NR3C2: variants seen among roughly 807,000 people sequenced by gnomAD.
NR3C2 encodes the protein mineralocorticoid receptor.
In NR3C2, 15 loss-of-function variants were observed where a neutral mutation model predicts 86.4. That is an observed-to-expected ratio of 0.17 (90% CI 0.12 to 0.27). NR3C2 has a LOEUF of 0.27. NR3C2 is among the 10% of genes least tolerant of loss of function. The pLI is 1.00. For synonymous variants in NR3C2, 458 were observed against 450.5 expected (o/e 1.02, Z -0.21); for missense variants, 960 against 1,195.6 (o/e 0.80, Z 2.91).
At chr4:148,430,907 C>T (rs72645621) in intron 2 of NR3C2, among the ~76,000 whole-genome samples, 9 of 152,124 alleles carry the variant, frequency 5.9e-5, no homozygotes, top group African/African-American at 1.7e-4. Flanking sequence ...TTCATTCTAT[C>T]GTGAAAAAAA....
At chr4:148,161,866 C>T (rs1226894612) in intron 4 of NR3C2, among the ~76,000 whole-genome samples, 2 of 152,104 alleles carry the variant, frequency 1.3e-5, no homozygotes, top group Admixed American at 6.5e-5. Flanking sequence ...ATAAAGCTGG[C>T]TATGATAAGT....
At chr4:148,174,207 T>C (rs1735264419) in intron 4 of NR3C2, among the ~76,000 whole-genome samples, 1 of 152,138 alleles carries the variant, frequency 6.6e-6, no homozygotes, top group Admixed American at 6.5e-5. Context: ...ATAAAGCAAA[T>C]AAAGTCAACC....
At chr4:148,307,396 A>C (rs1742683200) in intron 2 of NR3C2, among the ~76,000 whole-genome samples, 1 of 152,074 alleles carries the variant, frequency 6.6e-6, no homozygotes, top group Admixed American at 6.5e-5. Context: ...ACAGAATCAT[A>C]AGTTATGTTC....
intron 2 of NR3C2, among the ~76,000 whole-genome samples, chr4:148,300,984 T>G (rs1281612857): frequency 6.6e-6 from 1 of 152,206 alleles, no homozygotes; most frequent in African/African-American, 2.4e-5. Flanking sequence ...GGGAGAGACC[T>G]GTTTTCCTCA....
At chr4:148,428,106 T>A (rs957754828) in intron 2 of NR3C2, among the ~76,000 whole-genome samples, 4 of 152,128 alleles carry the variant, frequency 2.6e-5, no homozygotes, top group Non-Finnish European at 5.9e-5. Context: ...GTGGTCTAAG[T>A]ATAGTAATAA....
upstream of NR3C2, chr4:148,444,870 G>T: frequency 3.0e-6 from 3 of 984,990 alleles, no homozygotes; most frequent in Non-Finnish European, 3.6e-6. Context: ...CGGGAAGTCC[G>T]GCAGGAGGAT....
intron 2 of NR3C2, among the ~76,000 whole-genome samples, chr4:148,429,936 C>T (rs751283413): frequency 2.6e-5 from 4 of 152,058 alleles, no homozygotes; most frequent in African/African-American, 9.7e-5. Flanking sequence ...AAAACTAAAG[C>T]AACAGCTGAA....
At chr4:148,419,347 G>A (rs773190566) in intron 2 of NR3C2, among the ~76,000 whole-genome samples, 5 of 152,176 alleles carry the variant, frequency 3.3e-5, no homozygotes, top group Non-Finnish European at 4.4e-5. Flanking sequence ...GGCGAAGGAA[G>A]GGCCCACGAA....
chr4:148,377,979 A>C (rs1730876898), intron 2 of NR3C2, among the ~76,000 whole-genome samples: 1 of 152,192 alleles, frequency 6.6e-6, no homozygotes, highest in South Asian at 2.1e-4. Context: ...GGTTACCCAG[A>C]CTTAGATAAT....
intron 2 of NR3C2, among the ~76,000 whole-genome samples, chr4:148,354,259 G>A (rs756787232): frequency 4.6e-5 from 7 of 151,794 alleles, no homozygotes; most frequent in African/African-American, 1.2e-4. Flanking sequence ...ATAACATTTC[G>A]TCTTCTCTAG....
chr4:148,080,875 TA>T lies in NR3C2; in HGVS notation c.*468del, dbSNP rs748158642. On this transcript the variant is annotated 3_prime_UTR_variant, in exon 9 of 9. Coordinates refer to ENST00000358102, the MANE Select transcript of NR3C2 (RefSeq NM_000901.5). ...CAGGAATCTGTATATATTTTTTTATTATTTTTTTGTGTTTTTTTAATAACAA... is the reference window on the plus strand; with the variant it reads ...CAGGAATCTGTATATATTTTTTTATTTTTTTTTGTGTTTTTTTAATAACAA... 6.6e-5 allele frequency: 24 copies of T among 365,566 alleles called. No homozygotes were observed. Among genetic ancestry groups the T allele is most frequent in the Middle Eastern group, 4.9e-4 (1 of 2,052 alleles). The allele number at this position is 365,566 out of a possible 1,614,324, so 22.6% of individuals were successfully genotyped here. A position where few individuals can be genotyped will look rare whatever the true frequency, so the allele number is the denominator to read the frequency against.
At chr4:148,427,507 T>C (rs1247500537) in intron 2 of NR3C2, among the ~76,000 whole-genome samples, 1 of 151,382 alleles carries the variant, frequency 6.6e-6, no homozygotes, top group Non-Finnish European at 1.5e-5. Flanking sequence ...ATGTGGAAGG[T>C]CAGAGTCAAG....
rs972018320 is a variant in NR3C2, at chr4:148,114,173, A to G, written c.2730T>C (p.Cys910=). The change falls in exon 8 of 9, where the codon TGT becomes TGC. Residue 910 remains cysteine, a synonymous_variant. Coordinates refer to ENST00000358102, the MANE Select transcript of NR3C2 (RefSeq NM_000901.5). ...GCCAGCTCTGCCCAGAATTGTTGGGACACTTAGTTACCATCTTCCTCAGTT... is the reference window on the plus strand; with the variant it reads ...GCCAGCTCTGCCCAGAATTGTTGGGGCACTTAGTTACCATCTTCCTCAGTT... ...IKELRKMVTK[C]PNNSGQSWQR... The G allele has an allele frequency of 6.2e-7, 1 of 1,613,852 alleles. No individual in the cohort carries two copies. The highest frequency in any genetic ancestry group is 1.7e-5 in the Admixed American group (1 of 59,976).
intron 4 of NR3C2, among the ~76,000 whole-genome samples, chr4:148,180,070 C>T (rs1735572283): frequency 6.6e-6 from 1 of 151,760 alleles, no homozygotes; most frequent in African/African-American, 2.4e-5. Context: ...TACTGCATAT[C>T]CTGCCTTGGG....
At chr4:148,264,502 T>C (rs541233432) in intron 2 of NR3C2, among the ~76,000 whole-genome samples, 2 of 152,274 alleles carry the variant, frequency 1.3e-5, no homozygotes, top group East Asian at 1.9e-4. Context: ...ACACATAGCA[T>C]GTAAAGCCCA....
chr4:148,432,638 CT>C (rs1464532256), intron 2 of NR3C2, among the ~76,000 whole-genome samples: 8 of 152,088 alleles, frequency 5.3e-5, no homozygotes, highest in Admixed American at 3.3e-4. Flanking sequence ...TGCCTTGATC[CT>C]TTATGATATT....
intron 4 of NR3C2, among the ~76,000 whole-genome samples, chr4:148,156,266 T>G (rs1290486008): frequency 6.6e-6 from 1 of 152,058 alleles, no homozygotes; most frequent in Non-Finnish European, 1.5e-5. Context: ...ACAAATGGGA[T>G]CTAATTAAAC....
At chr4:148,439,025 A>G (rs1449586557) in intron 1 of NR3C2, among the ~76,000 whole-genome samples, 1 of 152,236 alleles carries the variant, frequency 6.6e-6, no homozygotes, top group Non-Finnish European at 1.5e-5. Context: ...ATAAAATTAC[A>G]AAGGTTGAGG....
chr4:148,199,408 C>T (rs989372722), intron 3 of NR3C2, among the ~76,000 whole-genome samples: 1 of 152,158 alleles, frequency 6.6e-6, no homozygotes, highest in Non-Finnish European at 1.5e-5. Flanking sequence ...AGACTATAGG[C>T]ATGGGATAAG....
Sources: gnomAD v4.1 joint callset for allele counts (sites outside exome capture counted in the v4.1 genomes callset) on GRCh38, gnomAD v4.1.1 for gene constraint, MANE v1.5 for transcripts, NCBI Gene and HGNC (gene_info 2026-07-23, HGNC 2026-07-21) for gene names.